Variants in ORC5 observed in about 807,000 individuals in gnomAD.
The protein encoded by ORC5 is protein phosphatase 1, regulatory subunit 117.
ORC5 carries 39 observed loss-of-function variants against 58.8 expected under a neutral mutation model. The observed-to-expected ratio is 0.66, with a 90% CI of 0.51 to 0.87. The LOEUF (loss-of-function observed/expected upper bound fraction) is 0.87. Ranked by LOEUF, ORC5 falls within the 40% of genes least tolerant of loss-of-function variation. The pLI is 0.00. For synonymous variants in ORC5, 218 were observed against 177.6 expected (o/e 1.23, Z -1.81); for missense variants, 493 against 506.3 (o/e 0.97, Z 0.25).
At chr7:104,132,976 T>C (rs779419586) in intron 13 of ORC5, among the ~76,000 whole-genome samples, 1 of 152,088 alleles carries the variant, frequency 6.6e-6, no homozygotes, top group Non-Finnish European at 1.5e-5. Context: ...TATACAAGCA[T>C]GGGAAGCAGA....
intron 12 of ORC5, among the ~76,000 whole-genome samples, chr7:104,160,011 T>C (rs1798997066): frequency 6.6e-6 from 1 of 152,192 alleles, no homozygotes; most frequent in South Asian, 2.1e-4. Context: ...TTTTTAAAGT[T>C]ATCAGCATTA....
chr7:104,206,055 C>T (rs920266869), intron 1 of ORC5, among the ~76,000 whole-genome samples: 1 of 152,192 alleles, frequency 6.6e-6, no homozygotes, highest in South Asian at 2.1e-4. Context: ...ATGCATGTTG[C>T]TGAGTATCTC....
intron 8 of ORC5, among the ~76,000 whole-genome samples, chr7:104,173,907 G>T (rs564643312): frequency 5.4e-5 from 8 of 147,488 alleles, no homozygotes; most frequent in Non-Finnish European, 1.1e-4. Context: ...TGCAGTGGCG[G>T]GATCTCGGCT....
At chr7:104,143,454 G>A (rs890163026) in intron 12 of ORC5, among the ~76,000 whole-genome samples, 1 of 152,114 alleles carries the variant, frequency 6.6e-6, no homozygotes, top group Non-Finnish European at 1.5e-5. Flanking sequence ...GAACAAACAA[G>A]CCCTTGAAGT....
chr7:104,161,773 G>A (rs1034230142), intron 11 of ORC5, among the ~76,000 whole-genome samples: 8 of 152,210 alleles, frequency 5.3e-5, no homozygotes, highest in East Asian at 3.9e-4. Context: ...ACAGTCATCC[G>A]GTCTAGTCCT....
At chr7:104,165,638 C>T (rs17159701) in intron 10 of ORC5, 6,879 of 181,908 alleles carry the variant, frequency 0.038, 504 homozygotes, top group African/African-American at 0.15. Flanking sequence ...GTCTGGCAAT[C>T]CACATAATAA....
intron 12 of ORC5, among the ~76,000 whole-genome samples, chr7:104,159,741 T>C (rs1302034440): frequency 1.3e-5 from 2 of 152,158 alleles, no homozygotes; most frequent in Admixed American, 6.6e-5. Context: ...AAAGGTTTAC[T>C]CATTGCATCA....
At chr7:104,203,006 G>T (rs963836145) in intron 2 of ORC5, among the ~76,000 whole-genome samples, 2 of 152,148 alleles carry the variant, frequency 1.3e-5, no homozygotes, top group African/African-American at 4.8e-5. Flanking sequence ...TTGCAAAACA[G>T]GGGGGCATCT....
At chr7:104,173,563 T>G (rs1179025791) in intron 8 of ORC5, among the ~76,000 whole-genome samples, 1 of 152,216 alleles carries the variant, frequency 6.6e-6, no homozygotes, top group Admixed American at 6.5e-5. Flanking sequence ...TTTTCTGCCC[T>G]GGTGAGCCTC....
intron 8 of ORC5, among the ~76,000 whole-genome samples, chr7:104,178,590 T>C (rs1799370115): frequency 6.6e-6 from 1 of 152,186 alleles, no homozygotes; most frequent in South Asian, 2.1e-4. Context: ...CAATTCTGGC[T>C]TTTGTTGCAA....
In ORC5 at chr7:104,146,455, T is replaced by C. The variant is rs555264140; in HGVS notation, c.1150-9562A>G. 5.9e-5 allele frequency among the ~76,000 whole-genome samples: 9 copies of C among 152,324 alleles called. No homozygotes were observed. In the South Asian group the frequency reaches 1.0e-3, roughly 18 times the overall value. ...GGTTAAACAAACTGTGGTATATGTA[T>C]ACCACAGAATACTCCTCAGTAATTA... On this transcript the variant is annotated intron_variant, in intron 12 of 13. Transcript: ENST00000297431.
At position 104,165,173 on chromosome 7, in the gene ORC5, T is replaced by C. The variant is rs551644800; in HGVS notation, c.1038+62A>G. On this transcript the variant is annotated intron_variant, in intron 11 of 13. Transcript: ENST00000297431. ...AATGACAAATACAATTACAGATGTATCTATTTCCTATATTATCTTCATTTC... is the reference window on the plus strand; with the variant it reads ...AATGACAAATACAATTACAGATGTACCTATTTCCTATATTATCTTCATTTC... The C allele has an allele frequency of 2.1e-4, 171 of 804,852 alleles. No homozygotes were observed. The African/African-American group carries it at 2.6e-3, about 12-fold the overall frequency. 49.9% of individuals were successfully genotyped at this position (804,852 alleles called of 1,614,324 possible). A position where few individuals can be genotyped will look rare whatever the true frequency, so the allele number is the denominator to read the frequency against.
At chr7:104,156,464 T>C (rs1002639037) in intron 12 of ORC5, among the ~76,000 whole-genome samples, 5 of 151,700 alleles carry the variant, frequency 3.3e-5, no homozygotes, top group African/African-American at 1.2e-4. Context: ...TCAATTGGAA[T>C]TTTAATAAAC....
At chr7:104,206,692 T>C (rs1043803088) in intron 1 of ORC5, among the ~76,000 whole-genome samples, 5 of 152,204 alleles carry the variant, frequency 3.3e-5, no homozygotes, top group South Asian at 2.1e-4. Flanking sequence ...ATATTTCTAG[T>C]TGGATGAAAG....
intron 6 of ORC5, among the ~76,000 whole-genome samples, chr7:104,186,374 G>C (rs920014789): frequency 6.6e-6 from 1 of 152,052 alleles, no homozygotes; most frequent in Non-Finnish European, 1.5e-5. Flanking sequence ...TATGGGACTG[G>C]TCCTGGAACC....
intron 1 of ORC5, among the ~76,000 whole-genome samples, chr7:104,206,000 C>T (rs1229288430): frequency 6.6e-6 from 1 of 152,124 alleles, no homozygotes; most frequent in Non-Finnish European, 1.5e-5. Flanking sequence ...AAAGCCAAAC[C>T]CTGTCTCAAA....
intron 11 of ORC5, among the ~76,000 whole-genome samples, chr7:104,161,874 A>G (rs986352908): frequency 3.3e-5 from 5 of 152,202 alleles, no homozygotes; most frequent in South Asian, 4.1e-4. Flanking sequence ...TAAGTTGTAG[A>G]CTAGAGCTTA....
At position 104,200,768 on chromosome 7, in the gene ORC5, G is replaced by A. The variant is rs1443573677; in HGVS notation, c.356C>T (p.Thr119Ile). ...VTTAENLKDQTVYIVLDKAEY... is the reference protein window; with the variant it reads ...VTTAENLKDQIVYIVLDKAEY... Reference sequence around the variant, plus strand: ...AATGAAATTACTTACAATATATACAGTCTGATCTTTAAGATTTTCAGCTGT... The same window carrying A: ...AATGAAATTACTTACAATATATACAATCTGATCTTTAAGATTTTCAGCTGT... Residue 119 changes from threonine (T) to isoleucine (I), a missense_variant, in exon 3 of 14, where the codon ACT becomes ATT. This residue lies in a region of ORC5 where 412 missense variants were observed against 403.7 expected (regional missense o/e 1.02). Coordinates refer to ENST00000297431, the MANE Select transcript of ORC5 (RefSeq NM_002553.4). The A allele has an allele frequency of 6.3e-7, 1 of 1,581,232 alleles. No homozygotes were observed. Among genetic ancestry groups the A allele is most frequent in the African/African-American group, 1.3e-5 (1 of 74,384 alleles).
intron 12 of ORC5, among the ~76,000 whole-genome samples, chr7:104,151,750 T>C (rs928668139): frequency 1.3e-5 from 2 of 152,166 alleles, no homozygotes; most frequent in African/African-American, 4.8e-5. Context: ...ACTAGAAATA[T>C]GTATTTCAAA....
Sources: gnomAD v4.1 joint callset for allele counts (sites outside exome capture counted in the v4.1 genomes callset) on GRCh38, gnomAD v4.1.1 for gene constraint, gnomAD v4.1.1 regional missense constraint, MANE v1.5 for transcripts, NCBI Gene and HGNC (gene_info 2026-07-23, HGNC 2026-07-21) for gene names.